SIPA1L2: variants seen among roughly 807,000 people sequenced by gnomAD.
The protein encoded by SIPA1L2 is signal induced proliferation associated 1 like 2, also known as signal-induced proliferation-associated 1-like protein 2.
Under a neutral mutation model 163.9 loss-of-function variants are expected in SIPA1L2, and 56 were observed. That is an observed-to-expected ratio of 0.34 (90% CI 0.28 to 0.43). The LOEUF (loss-of-function observed/expected upper bound fraction) is 0.43. Ranked by LOEUF, SIPA1L2 falls within the 20% of genes least tolerant of loss-of-function variation. The pLI is 1.00. For missense variants in SIPA1L2, 1,974 were observed against 2,193.5 expected (o/e 0.90, Z 2.00); for synonymous variants, 877 against 865.7 (o/e 1.01, Z -0.23).
chr1:232,447,351 C>G (rs1265976104), intron 10 of SIPA1L2, among the ~76,000 whole-genome samples: 2 of 152,216 alleles, frequency 1.3e-5, no homozygotes, highest in African/African-American at 4.8e-5. Context: ...CTATCTACCC[C>G]CAGCTGGCTG....
Position 232,399,180 on chromosome 1 carries a change from G to A in SIPA1L2, c.5116C>T (p.Gln1706Ter). The change falls in exon 23 of 23, where the codon CAG becomes TAG. Residue 1706 changes from glutamine (Q) to a stop codon, truncating the protein, a stop_gained. Coordinates refer to ENST00000674635, the MANE Select transcript of SIPA1L2 (RefSeq NM_020808.5). LOFTEE classifies it high-confidence loss of function. ...LQEESQTATA[Q>*]LRKFTEWFFT... The stretch of plus-strand genomic sequence containing the variant: ...AACCATTCTGTGAATTTCCGCAGCT[G>A]AGCTGTCGCGGTCTGGGACTCCTCC... 6.2e-7 allele frequency: 1 copy of A among 1,613,966 alleles called. No homozygotes were observed. The highest frequency in any genetic ancestry group is 8.5e-7 in the Non-Finnish European group (1 of 1,180,016).
At chr1:232,545,293 A>ATGTAAAGTCATGTAGAAAGT (rs1657967496) in intron 2 of SIPA1L2, among the ~76,000 whole-genome samples, 1 of 152,184 alleles carries the variant, frequency 6.6e-6, no homozygotes, top group Non-Finnish European at 1.5e-5. Context: ...CTTACTGACT[A>ATGTAAAGTCATGTAGAAAGT]TATGATTTCT....
intron 2 of SIPA1L2, among the ~76,000 whole-genome samples, chr1:232,538,490 C>A (rs2103101135): frequency 6.6e-6 from 1 of 152,300 alleles, no homozygotes; most frequent in African/African-American, 2.4e-5. Flanking sequence ...CTCTGTATGG[C>A]ACCAGCTCCC....
At chr1:232,610,047 A>G (rs1662162888) in intron 1 of SIPA1L2, among the ~76,000 whole-genome samples, 1 of 152,064 alleles carries the variant, frequency 6.6e-6, no homozygotes, top group Non-Finnish European at 1.5e-5. Context: ...TGATATGCAC[A>G]TTTTCATGGA....
intron 15 of SIPA1L2, among the ~76,000 whole-genome samples, chr1:232,438,724 C>T (rs1290628170): frequency 3.3e-5 from 5 of 152,222 alleles, no homozygotes; most frequent in African/African-American, 9.6e-5. Flanking sequence ...ATGTGCTCTA[C>T]GCACATGCTG....
intron 2 of SIPA1L2, among the ~76,000 whole-genome samples, chr1:232,530,905 T>C (rs562301010): frequency 6.6e-6 from 1 of 152,206 alleles, no homozygotes; most frequent in Non-Finnish European, 1.5e-5. Context: ...TGTAGTACAA[T>C]TTATTTACTC....
rs1370264864 is a variant in SIPA1L2 at position 232,505,675 on chromosome 1, C to T, written c.1483+8182G>A. On this transcript the variant is annotated intron_variant, in intron 3 of 22. Transcript: ENST00000674635. ...TTTCCACCGACGGCCACATGGAGCC[C>T]GTGCGACCACAGCCCTTGGTGCTGA... Among the ~76,000 whole-genome samples the T allele has an allele frequency of 3.3e-5, 5 of 152,236 alleles. No individual in the cohort carries two copies. In the East Asian group the frequency reaches 5.8e-4, roughly 18 times the overall value.
At chr1:232,466,664 G>A (rs1447563729) in intron 8 of SIPA1L2, among the ~76,000 whole-genome samples, 5 of 152,070 alleles carry the variant, frequency 3.3e-5, no homozygotes, top group Non-Finnish European at 4.4e-5. Flanking sequence ...GGTGGCGGGC[G>A]CCTGTAGTCC....
At position 232,490,970 on chromosome 1, in the gene SIPA1L2, C is replaced by G. The variant is rs187774818; in HGVS notation, c.1710G>C (p.Leu570Phe). The change falls in exon 5 of 23, where the codon TTG (leucine) becomes TTC (phenylalanine). Residue 570 changes from leucine to phenylalanine, a missense_variant. Leu to Phe is a conservative substitution (Grantham distance 22). This residue lies in a region of SIPA1L2 where 288 missense variants were observed against 418.9 expected (regional missense o/e 0.69). Coordinates refer to ENST00000674635, the MANE Select transcript of SIPA1L2 (RefSeq NM_020808.5). ...TGCTCAGCTCTGGAATGACGTATTC[C>G]AAAACTTCTTTGAGAGGTAGTCCTC... Reference protein sequence around the residue: ...TARGLPLKEVLEYVIPELSIQ... With the variant: ...TARGLPLKEVFEYVIPELSIQ... The G allele has an allele frequency of 6.2e-7, 1 of 1,614,152 alleles. No individual in the cohort carries two copies. Among genetic ancestry groups the G allele is most frequent in the East Asian group, 2.2e-5 (1 of 44,882 alleles).
At chr1:232,602,040 G>A (rs1466454990) in intron 1 of SIPA1L2, among the ~76,000 whole-genome samples, 1 of 152,106 alleles carries the variant, frequency 6.6e-6, no homozygotes, top group Non-Finnish European at 1.5e-5. Flanking sequence ...AAAAGCCCTC[G>A]CATGGAGAAG....
At chr1:232,428,289 G>T in intron 17 of SIPA1L2, 122 bp downstream of exon 17, 5 of 789,186 alleles carry the variant, frequency 6.3e-6, no homozygotes, top group Non-Finnish European at 9.0e-6. Flanking sequence ...GTGAGTTGTT[G>T]GTAGGGTCAT....
intron 18 of SIPA1L2, among the ~76,000 whole-genome samples, chr1:232,417,887 G>A (rs1237608947): frequency 1.3e-5 from 2 of 152,182 alleles, no homozygotes; most frequent in African/African-American, 2.4e-5. Flanking sequence ...TGTGAGGGCC[G>A]CGGAGGTCAG....
intron 2 of SIPA1L2, 63 bp from the exon 3 acceptor site, chr1:232,515,671 T>C (rs748037679): frequency 4.1e-6 from 1 of 243,260 alleles, no homozygotes; most frequent in South Asian, 9.7e-5. Context: ...ACACATTCTA[T>C]GATAAATTTC....
At chr1:232,419,656 CT>C (rs1661454718) in intron 18 of SIPA1L2, among the ~76,000 whole-genome samples, 1 of 152,182 alleles carries the variant, frequency 6.6e-6, no homozygotes, top group Admixed American at 6.5e-5. Flanking sequence ...TCCACCATGA[CT>C]GTAAGCTTCC....
chr1:232,503,834 A>G (rs1224390382), intron 3 of SIPA1L2, among the ~76,000 whole-genome samples: 2 of 152,186 alleles, frequency 1.3e-5, no homozygotes, highest in Non-Finnish European at 2.9e-5. Flanking sequence ...TGTATTTTAA[A>G]TCACTTCCCT....
At chr1:232,610,523 A>G (rs1158741984) in intron 1 of SIPA1L2, among the ~76,000 whole-genome samples, 1 of 152,266 alleles carries the variant, frequency 6.6e-6, no homozygotes, top group African/African-American at 2.4e-5. Flanking sequence ...AATAAAATAC[A>G]TACAAAATTC....
chr1:232,420,278 A>C (rs1467584768), intron 18 of SIPA1L2, among the ~76,000 whole-genome samples: 1 of 151,888 alleles, frequency 6.6e-6, no homozygotes, highest in Non-Finnish European at 1.5e-5. Context: ...AGCCAAGATC[A>C]CGCCACTGCA....
At chr1:232,420,167 CA>C (rs759249093) in intron 18 of SIPA1L2, among the ~76,000 whole-genome samples, 1 of 151,968 alleles carries the variant, frequency 6.6e-6, no homozygotes, top group Non-Finnish European at 1.5e-5. Flanking sequence ...ACTAAAAATA[CA>C]AAAAATTAGC....
At chr1:232,616,072 C>T (rs1662484086) in intron 1 of SIPA1L2, among the ~76,000 whole-genome samples, 1 of 152,208 alleles carries the variant, frequency 6.6e-6, no homozygotes, top group Non-Finnish European at 1.5e-5. Flanking sequence ...AAGCCGCTGA[C>T]TGACATACAG....
Sources: gnomAD v4.1 joint callset for allele counts (sites outside exome capture counted in the v4.1 genomes callset) on GRCh38, gnomAD v4.1.1 for gene constraint, gnomAD v4.1.1 regional missense constraint, MANE v1.5 for transcripts, NCBI Gene and HGNC (gene_info 2026-07-23, HGNC 2026-07-21) for gene names.